Variants in COL4A1 observed in about 807,000 individuals in gnomAD.
COL4A1 encodes collagen type IV alpha 1 chain.
A neutral mutation model predicts 216.6 loss-of-function variants in COL4A1; 40 were observed. The observed-to-expected ratio is 0.18, with a 90% CI of 0.14 to 0.24. COL4A1 has a LOEUF of 0.24. Ranked by LOEUF, COL4A1 falls within the 10% of genes least tolerant of loss-of-function variation. The pLI is 1.00. For missense variants in COL4A1, 1,628 were observed against 2,196.8 expected (o/e 0.74, Z 5.18); for synonymous variants, 839 against 810.7 (o/e 1.03, Z -0.59).
intron 1 of COL4A1, among the ~76,000 whole-genome samples, chr13:110,295,575 G>A (rs548325769): frequency 4.0e-5 from 6 of 151,880 alleles, no homozygotes; most frequent in East Asian, 3.9e-4. Flanking sequence ...ACAGGCGCCC[G>A]CCACCACGCC....
intron 23 of COL4A1, 62 bp downstream of exon 23, chr13:110,192,768 A>G: frequency 7.0e-7 from 1 of 1,433,632 alleles, no homozygotes; most frequent in South Asian, 1.2e-5. Flanking sequence ...TCCCTTTCAC[A>G]GGAAAGATGC....
rs1228021633 is a variant in COL4A1, at chr13:110,267,799, C to T, written c.85-25065G>A. 2.6e-5 allele frequency among the ~76,000 whole-genome samples: 4 copies of T among 152,130 alleles called. No homozygotes were observed. In the East Asian group the frequency reaches 5.8e-4, roughly 22 times the overall value. On this transcript the variant is annotated intron_variant, in intron 1 of 51. Coordinates refer to ENST00000375820, the MANE Select transcript of COL4A1 (RefSeq NM_001845.6). ...TAGCTTCAAAATAAGACACACAATA[C>T]ATGTTTAATTTAAAACACAGTCCTG...
intron 41 of COL4A1, among the ~76,000 whole-genome samples, chr13:110,171,326 G>A (rs1370012944): frequency 1.3e-5 from 2 of 152,162 alleles, no homozygotes; most frequent in African/African-American, 2.4e-5. Context: ...GGGCAGGAGG[G>A]GGGGATTATG....
In COL4A1 at chr13:110,195,086, C is replaced by G; in HGVS notation, c.1318G>C (p.Gly440Arg). 1 of 1,614,184 alleles carries G rather than the reference C, an allele frequency of 6.2e-7. No individual in the cohort carries two copies. The highest frequency in any genetic ancestry group is 8.5e-7 in the Non-Finnish European group (1 of 1,180,034). Residue 440 changes from glycine (G) to arginine (R), a missense_variant, in exon 22 of 52, where the codon GGT becomes CGT. Physicochemically the swap from Gly to Arg is moderately radical, Grantham distance 125. Transcript: ENST00000375820. ...GGAATTCCAGGAGGACCCTGGTCAC[C>G]TGGAGGTCCGGGCTGACATTCCACA... The part of the protein sequence containing the change: ...GIVECQPGPP[G>R]DQGPPGIPGQ...
rs748708309 is a variant in COL4A1 at position 110,208,829 on chromosome 13, C to T, written c.693+20G>A. 1 of 1,613,926 alleles carries T rather than the reference C, an allele frequency of 6.2e-7. No individual in the cohort carries two copies. The highest frequency in any genetic ancestry group is 1.1e-5 in the South Asian group (1 of 91,074). ...CTGTGGTTTTCAACATGAAAGCACT[C>T]CAGAGCAATATGCACTCACCTTGTC... On this transcript the variant is annotated intron_variant, in intron 12 of 51. Transcript: ENST00000375820.
At chr13:110,206,385 G>A (rs920593148) in intron 15 of COL4A1, among the ~76,000 whole-genome samples, 3 of 152,232 alleles carry the variant, frequency 2.0e-5, no homozygotes, top group Non-Finnish European at 4.4e-5. Flanking sequence ...GAGCAGGACC[G>A]AAGGTTTCAG....
At chr13:110,276,445 T>C (rs1883434838) in intron 1 of COL4A1, among the ~76,000 whole-genome samples, 1 of 152,206 alleles carries the variant, frequency 6.6e-6, no homozygotes, top group South Asian at 2.1e-4. Context: ...AGACTGATTC[T>C]CGTTGTACCG....
At chr13:110,297,523 T>C (rs1884323074) in intron 1 of COL4A1, among the ~76,000 whole-genome samples, 1 of 152,182 alleles carries the variant, frequency 6.6e-6, no homozygotes, top group Admixed American at 6.5e-5. Context: ...AATAAATTTA[T>C]TTTTATTAAT....
intron 1 of COL4A1, among the ~76,000 whole-genome samples, chr13:110,251,065 T>G (rs1882051379): frequency 6.6e-6 from 1 of 152,220 alleles, no homozygotes; most frequent in South Asian, 2.1e-4. Context: ...AGTGCCTATT[T>G]TACAGGCACC....
chr13:110,209,336 A>G, intron 11 of COL4A1, 56 bp downstream of exon 11: 1 of 1,514,510 alleles, frequency 6.6e-7, no homozygotes, highest in Non-Finnish European at 9.1e-7. Flanking sequence ...AGCTATAGCA[A>G]TTTCATGATA....
At chr13:110,237,125 C>A (rs773438802) in intron 2 of COL4A1, among the ~76,000 whole-genome samples, 35 of 152,182 alleles carry the variant, frequency 2.3e-4, no homozygotes, top group Non-Finnish European at 5.0e-4. Flanking sequence ...CTTCAGAAGG[C>A]TTGCTGTCCT....
intron 1 of COL4A1, 85 bp from the exon 2 acceptor site, chr13:110,242,819 G>A (rs1881626095): frequency 4.2e-6 from 6 of 1,442,298 alleles, no homozygotes; most frequent in Non-Finnish European, 5.8e-6. Flanking sequence ...CTGGCATCTT[G>A]ACTTGTTTAT....
chr13:110,279,081 G>T (rs964713319), intron 1 of COL4A1, among the ~76,000 whole-genome samples: 8 of 151,992 alleles, frequency 5.3e-5, no homozygotes, highest in Non-Finnish European at 1.0e-4. Flanking sequence ...GTTTCGAGTC[G>T]GCCACAGGTG....
At chr13:110,176,546 G>A in intron 35 of COL4A1, 33 bp from the exon 36 acceptor site, 1 of 1,593,904 alleles carries the variant, frequency 6.3e-7, no homozygotes, top group Non-Finnish European at 8.6e-7. Flanking sequence ...CTGACAGGTT[G>A]ACATCTACAG....
chr13:110,176,990 A>C lies in COL4A1; in HGVS notation c.2764T>G (p.Leu922Val). 1 of 1,614,002 alleles carries C rather than the reference A, an allele frequency of 6.2e-7. No individual in the cohort carries two copies. Among genetic ancestry groups the C allele is most frequent in the Non-Finnish European group, 8.5e-7 (1 of 1,180,014 alleles). Reference protein sequence around the residue: ...GSSGPRGDPGLKGDKGDVGLP... With the variant: ...GSSGPRGDPGVKGDKGDVGLP... ...CCGACATCCCCCTTATCACCTTTCA[A>C]GCCAGGGTCTCCCCTGGGTCCTGAG... The change falls in exon 34 of 52, where the codon TTG becomes GTG. Residue 922 changes from leucine to valine, a missense_variant. This residue lies in a region of COL4A1 where 701 missense variants were observed against 892.5 expected (regional missense o/e 0.79). Transcript: ENST00000375820.
In COL4A1 at chr13:110,205,340, T is replaced by C. The variant is rs1879444313; in HGVS notation, c.957+13A>G. On this transcript the variant is annotated intron_variant, in intron 17 of 51. Coordinates refer to ENST00000375820, the MANE Select transcript of COL4A1 (RefSeq NM_001845.6). Reference sequence around the variant, plus strand: ...AAGTGAAGATAAAGGCTCACAATAGTGCCAGCGTTTACCTGCGGGCCCTGG... The same window carrying C: ...AAGTGAAGATAAAGGCTCACAATAGCGCCAGCGTTTACCTGCGGGCCCTGG... The C allele has an allele frequency of 1.9e-6, 3 of 1,613,976 alleles. No homozygotes were observed. In the East Asian group the frequency reaches 6.7e-5, roughly 36 times the overall value.
intron 50 of COL4A1, among the ~76,000 whole-genome samples, chr13:110,154,448 G>C (rs1400620075): frequency 6.6e-6 from 1 of 152,276 alleles, no homozygotes; most frequent in Non-Finnish European, 1.5e-5. Context: ...GGAGGCCACG[G>C]CCAGCCCTCG....
chr13:110,253,383 GTATTAC>G lies in COL4A1; in HGVS notation c.85-10655_85-10650del. On this transcript the variant is annotated intron_variant, in intron 1 of 51. Transcript: ENST00000375820. ...GTATTACATATACATATAATTATAT[GTATTAC>G]ATATACATATAATTATATGTATTAC... 1.7e-3 allele frequency among the ~76,000 whole-genome samples: 3 copies of G among 1,788 alleles called. 1 individual carries two copies. The highest frequency in any genetic ancestry group is 6.1e-3 in the Non-Finnish European group (3 of 490). The allele number at this position is 1,788 out of a possible 152,430, so 1.2% of individuals were successfully genotyped here. A position where few individuals can be genotyped will look rare whatever the true frequency, so the allele number is the denominator to read the frequency against.
intron 2 of COL4A1, among the ~76,000 whole-genome samples, chr13:110,224,351 C>T (rs536518982): frequency 6.6e-6 from 1 of 152,300 alleles, no homozygotes; most frequent in East Asian, 1.9e-4. Context: ...GAGATGGAGT[C>T]TTGCTCTGTC....
Sources: allele counts gnomAD v4.1 joint callset (sites outside exome capture counted in the v4.1 genomes callset), GRCh38; gene constraint gnomAD v4.1.1; regional missense constraint gnomAD v4.1.1; transcripts MANE v1.5; gene names NCBI Gene and HGNC (gene_info 2026-07-23, HGNC 2026-07-21).